The following KAZN variants were observed in gnomAD, a reference collection of about 807,000 sequenced individuals.
KAZN encodes kazrin, periplakin interacting protein.
KAZN carries 40 observed loss-of-function variants against 87.4 expected under a neutral mutation model. The observed-to-expected ratio is 0.46, with a 90% CI of 0.36 to 0.60. KAZN has a LOEUF of 0.60. Ranked by LOEUF, KAZN falls within the 20% of genes least tolerant of loss-of-function variation. KAZN has a pLI of 0.00. For missense variants in KAZN, 898 were observed against 1,073.9 expected (o/e 0.84, Z 2.29); for synonymous variants, 466 against 458.3 (o/e 1.02, Z -0.22).
chr1:14,419,963 A>C (rs1486338393), intron 2 of KAZN, among the ~76,000 whole-genome samples: 1 of 152,300 alleles, frequency 6.6e-6, no homozygotes, highest in South Asian at 2.1e-4. Context: ...AGGGAACATT[A>C]GGGGATTGCC....
chr1:14,894,483 G>C (rs566186887), intron 1 of KAZN, among the ~76,000 whole-genome samples: 2 of 152,238 alleles, frequency 1.3e-5, no homozygotes, highest in Admixed American at 1.3e-4. Context: ...TGTTAGGGAC[G>C]TCAAGGGTGT....
intron 8 of KAZN, among the ~76,000 whole-genome samples, chr1:15,085,993 CAG>C (rs151084629): frequency 0.085 from 12,962 of 152,040 alleles, 1,437 homozygotes; most frequent in African/African-American, 0.26. Flanking sequence ...TTTTTTGAGA[CAG>C]AGTTTTGCTC....
intron 2 of KAZN, among the ~76,000 whole-genome samples, chr1:14,548,916 A>T (rs1330661474): frequency 6.6e-6 from 1 of 152,190 alleles, no homozygotes. Flanking sequence ...CATGAACATG[A>T]TCCATCTCTC....
At chr1:14,042,650 A>G (rs1490983028) in intron 1 of KAZN, among the ~76,000 whole-genome samples, 1 of 151,334 alleles carries the variant, frequency 6.6e-6, no homozygotes, top group Non-Finnish European at 1.5e-5. Context: ...TTTCCCTCCT[A>G]TTTGTTGTGA....
At chr1:15,098,639 C>G (rs570405425) in intron 10 of KAZN, among the ~76,000 whole-genome samples, 1 of 152,224 alleles carries the variant, frequency 6.6e-6, no homozygotes, top group African/African-American at 2.4e-5. Context: ...AGCTCCTGCC[C>G]GAGAGAACCG....
chr1:13,893,838 T>G, intron 1 of KAZN: 1 of 1,441,462 alleles, frequency 6.9e-7, no homozygotes, highest in Non-Finnish European at 9.4e-7. Context: ...GCGGTCTGTG[T>G]GTGTCTGTGT....
At chr1:14,412,272 G>A (rs865969685) in intron 2 of KAZN, among the ~76,000 whole-genome samples, 1 of 152,152 alleles carries the variant, frequency 6.6e-6, no homozygotes, top group Admixed American at 6.5e-5. Flanking sequence ...AAGCTCTAAT[G>A]AGTAAACAAG....
Position 14,526,442 on chromosome 1 carries a change from C to T in KAZN, c.250-72541C>T, listed in dbSNP as rs12060759. Among the ~76,000 whole-genome samples the T allele has an allele frequency of 6.9e-3, 1,057 of 152,184 alleles. 9 individuals are homozygous for T. Among genetic ancestry groups the T allele is most frequent in the African/African-American group, 0.024 (984 of 41,522 alleles). ...GGTTACAGCCATGTGCCAAGTGCCC[C>T]GGAGGTTTGAAATAAAACATTTCCC... On this transcript the variant is annotated intron_variant, in intron 2 of 16. Coordinates refer to the KAZN transcript ENST00000636203.
chr1:14,099,061 G>A (rs1333495439), intron 1 of KAZN, among the ~76,000 whole-genome samples: 1 of 152,112 alleles, frequency 6.6e-6, no homozygotes, highest in African/African-American at 2.4e-5. Context: ...TTTGTTCAGT[G>A]TTCTACTTAG....
At chr1:14,699,972 A>G (rs894919628) in intron 1 of KAZN, among the ~76,000 whole-genome samples, 1 of 152,132 alleles carries the variant, frequency 6.6e-6, no homozygotes, top group Admixed American at 6.5e-5. Context: ...GGCAGAGGAA[A>G]TTGCACGTGC....
At position 14,392,758 on chromosome 1, in the gene KAZN, G is replaced by T. The variant is rs147952778; in HGVS notation, c.250-206225G>T. Reference sequence around the variant, plus strand: ...CCTGGGCGGAGGCGGGTGTGGGGGTGGGGGGACAAAACTGCACTAGTTAAG... The same window carrying T: ...CCTGGGCGGAGGCGGGTGTGGGGGTTGGGGGACAAAACTGCACTAGTTAAG... On this transcript the variant is annotated intron_variant, in intron 2 of 16. Transcript: ENST00000636203. Among the ~76,000 whole-genome samples the T allele has an allele frequency of 4.8e-4, 72 of 151,344 alleles. No individual in the cohort carries two copies. The East Asian group carries it at 0.013, about 28-fold the overall frequency.
intron 1 of KAZN, among the ~76,000 whole-genome samples, chr1:14,039,806 G>C (rs1641721227): frequency 6.6e-6 from 1 of 152,106 alleles, no homozygotes; most frequent in Non-Finnish European, 1.5e-5. Context: ...CTTCCACAGG[G>C]GAAAGGAGCA....
intron 2 of KAZN, among the ~76,000 whole-genome samples, chr1:14,279,459 G>A (rs1333385570): frequency 6.6e-6 from 1 of 152,218 alleles, no homozygotes; most frequent in Non-Finnish European, 1.5e-5. Context: ...AGAGATGCCA[G>A]GAGATTCTCA....
At chr1:14,676,299 T>C (rs1337613082) in intron 1 of KAZN, among the ~76,000 whole-genome samples, 3 of 152,208 alleles carry the variant, frequency 2.0e-5, no homozygotes, top group Non-Finnish European at 2.9e-5. Flanking sequence ...ATTCCCTCTA[T>C]ATGCAAAATG....
chr1:15,057,517 A>G lies in KAZN; in HGVS notation c.916+1237A>G, dbSNP rs112665814. On this transcript the variant is annotated intron_variant, in intron 5 of 14. Coordinates refer to ENST00000376030, the MANE Select transcript of KAZN (RefSeq NM_201628.3). ...CACAGGGGACTTTGAGAACCCAGAC[A>G]GTAAGCAAATTCAGAGTCTTCCCTT... Among the ~76,000 whole-genome samples the G allele has an allele frequency of 8.7e-3, 1,327 of 152,358 alleles. 17 individuals carry two copies. The highest frequency in any genetic ancestry group is 0.042 in the South Asian group (205 of 4,834).
intron 4 of KAZN, among the ~76,000 whole-genome samples, chr1:15,049,130 G>A (rs1002231312): frequency 8.5e-5 from 13 of 152,124 alleles, no homozygotes; most frequent in African/African-American, 3.1e-4. Context: ...GTCCAGCCAT[G>A]GCCTGAAGGA....
intron 1 of KAZN, among the ~76,000 whole-genome samples, chr1:14,802,123 T>G (rs570320088): frequency 6.7e-6 from 1 of 150,056 alleles, no homozygotes; most frequent in South Asian, 2.3e-4. Context: ...ATTGGGACAA[T>G]GGCCGGGCAT....
At chr1:13,916,974 A>AT (rs1178217216) in intron 1 of KAZN, among the ~76,000 whole-genome samples, 1 of 152,168 alleles carries the variant, frequency 6.6e-6, no homozygotes, top group African/African-American at 2.4e-5. Context: ...CCATGGAAGG[A>AT]TTTTGAACAA....
intron 2 of KAZN, among the ~76,000 whole-genome samples, chr1:14,247,463 A>C (rs1649619676): frequency 6.6e-6 from 1 of 152,224 alleles, no homozygotes; most frequent in Admixed American, 6.5e-5. Flanking sequence ...AACATTTAAA[A>C]ACATTCAATT....
Sources: gnomAD v4.1 joint callset for allele counts (sites outside exome capture counted in the v4.1 genomes callset) on GRCh38, gnomAD v4.1.1 for gene constraint, MANE v1.5 for transcripts, NCBI Gene and HGNC (gene_info 2026-07-23, HGNC 2026-07-21) for gene names.